The following VWA5A variants were observed in gnomAD, a reference collection of about 807,000 sequenced individuals.
VWA5A encodes the protein von Willebrand factor A domain containing 5A, also known as von Willebrand factor A domain-containing protein 5A.
In VWA5A, 77 loss-of-function variants were observed where a neutral mutation model predicts 84.6. The observed-to-expected ratio is 0.91, with a 90% CI of 0.76 to 1.10. The LOEUF (loss-of-function observed/expected upper bound fraction) is 1.10. VWA5A is among the 50% of genes least tolerant of loss of function. The probability of loss-of-function intolerance (pLI) is 0.00; values close to 1 mark genes in which losing one functional copy is unlikely to be tolerated. For missense variants in VWA5A, 973 were observed against 963.0 expected, an observed-to-expected ratio of 1.01 and a Z score of -0.14; for synonymous variants, 334 against 350.1, an observed-to-expected ratio of 0.95 and a Z score of 0.51.
At chr11:124,123,198 G>T in intron 8 of VWA5A, 69 bp downstream of exon 8, 2 of 1,557,746 alleles carry the variant, frequency 1.3e-6, no homozygotes, top group Non-Finnish European at 8.6e-7. Context: ...GGTTAAATAA[G>T]GGTCTATCTG....
intron 12 of VWA5A, among the ~76,000 whole-genome samples, chr11:124,135,325 A>G (rs996586372): frequency 2.0e-5 from 3 of 152,104 alleles, no homozygotes; most frequent in Non-Finnish European, 2.9e-5. Context: ...CAGACAAACT[A>G]AGAGCTTTGA....
At chr11:124,145,465 C>T (rs1860803132) in intron 18 of VWA5A, 102 bp downstream of exon 18, 3 of 1,407,402 alleles carry the variant, frequency 2.1e-6, no homozygotes, top group East Asian at 5.0e-5. Flanking sequence ...CATCCTGCTT[C>T]AGATCTTTAC....
At chr11:124,132,051 A>T (rs73607026) in intron 11 of VWA5A, among the ~76,000 whole-genome samples, 1 of 151,814 alleles carries the variant, frequency 6.6e-6, no homozygotes, top group Non-Finnish European at 1.5e-5. Context: ...GTTTTGAATA[A>T]TTAATGATTG....
At chr11:124,118,932 A>C (rs758928527) in intron 6 of VWA5A, 43 bp from the exon 7 acceptor site, 96 of 1,589,714 alleles carry the variant, frequency 6.0e-5, no homozygotes, top group Non-Finnish European at 7.7e-5. Flanking sequence ...AGAAGCAAGA[A>C]GTTATGATTC....
At position 124,146,114 on chromosome 11, in the gene VWA5A, T is replaced by C; in HGVS notation, c.*169T>C. 1 of 615,744 alleles carries C rather than the reference T, an allele frequency of 1.6e-6. No individual in the cohort carries two copies. The highest frequency in any genetic ancestry group is 3.3e-5 in the Admixed American group (1 of 30,162). The allele number at this position is 615,744 out of a possible 1,614,324, so 38.1% of individuals were successfully genotyped here. On this transcript the variant is annotated 3_prime_UTR_variant, in exon 19 of 19. Coordinates refer to ENST00000456829, the MANE Select transcript of VWA5A (RefSeq NM_001130142.2). Reference sequence around the variant, plus strand: ...CTCTGCTCCAGGTTCACTTTGGATATGATCTTTCTTTTCCCAACATATGCC... The same window carrying C: ...CTCTGCTCCAGGTTCACTTTGGATACGATCTTTCTTTTCCCAACATATGCC...
chr11:124,117,981 G>A, intron 4 of VWA5A, 106 bp downstream of exon 4: 1 of 1,407,212 alleles, frequency 7.1e-7, no homozygotes, highest in Non-Finnish European at 9.7e-7. Context: ...CACAAAACAT[G>A]CTGATGTTGA....
Position 124,137,183 on chromosome 11 carries a change from G to C in VWA5A, c.1794G>C (p.Pro598=). 6.2e-7 allele frequency: 1 copy of C among 1,613,958 alleles called. No homozygotes were observed. Among genetic ancestry groups the C allele is most frequent in the Non-Finnish European group, 8.5e-7 (1 of 1,180,014 alleles). The change falls in exon 15 of 19, where the codon CCG becomes CCC. Residue 598 remains proline (P), a synonymous_variant. Coordinates refer to ENST00000456829, the MANE Select transcript of VWA5A (RefSeq NM_001130142.2). ...FIAINKELNK[P]VQGPLAHRDV... ...CTATCAATAAGGAGCTCAACAAGCC[G>C]GTTCAGGGGCCTCTGGCTCATAGGG...
chr11:124,117,528 GC>G lies in VWA5A; in HGVS notation c.19del (p.Leu7TyrfsTer11). On this transcript the variant is annotated frameshift_variant, in exon 3 of 19. Coordinates refer to ENST00000456829, the MANE Select transcript of VWA5A (RefSeq NM_001130142.2). LOFTEE classifies it high-confidence loss of function. MVHFCGLLTLHREPVP... is the reference protein window; with the variant it reads MVHFCXLLTLHREPVP... ...TGCATCACCATGGTGCACTTCTGTG[GC>G]CTACTCACCCTCCACCGGGAGCCAG... is the stretch of plus-strand genomic sequence containing the variant. 6.2e-7 allele frequency: 1 copy of G among 1,614,138 alleles called. No individual in the cohort carries two copies. The highest frequency in any genetic ancestry group is 8.5e-7 in the Non-Finnish European group (1 of 1,180,028).
chr11:124,135,094 G>A, intron 12 of VWA5A, 60 bp downstream of exon 12: 1 of 1,449,078 alleles, frequency 6.9e-7, no homozygotes. Context: ...AGTGGAACGG[G>A]GTGGGGAACA....
At chr11:124,118,797 C>A in intron 6 of VWA5A, 89 bp downstream of exon 6, 1 of 1,489,532 alleles carries the variant, frequency 6.7e-7, no homozygotes. Context: ...AAGTGGTAAC[C>A]CAGAGGGGGT....
In VWA5A at chr11:124,123,080, G is replaced by A. The variant is rs1236406821; in HGVS notation, c.881G>A (p.Ser294Asn). The change falls in exon 8 of 19, where the codon AGC (serine) becomes AAC (asparagine). Residue 294 changes from serine to asparagine, a missense_variant. Transcript: ENST00000456829. ...ATGGACCGCTCGGGAAGTATGCAGAGCCCCATGAGTAGCCAGGATACATCT... is the reference window on the plus strand; with the variant it reads ...ATGGACCGCTCGGGAAGTATGCAGAACCCCATGAGTAGCCAGGATACATCT... ...FLMDRSGSMQ[S>N]PMSSQDTSQL... The A allele has an allele frequency of 6.2e-7, 1 of 1,614,082 alleles. No individual in the cohort carries two copies. The highest frequency in any genetic ancestry group is 8.5e-7 in the Non-Finnish European group (1 of 1,180,036).
At chr11:124,123,494 C>T in intron 9 of VWA5A, 40 bp downstream of exon 9, 3 of 1,609,026 alleles carry the variant, frequency 1.9e-6, no homozygotes, top group Admixed American at 1.7e-5. Flanking sequence ...CAAAACGAGA[C>T]TTTAAAGAAA....
chr11:124,135,092 G>T (rs1410355751), intron 12 of VWA5A, 58 bp downstream of exon 12: 4 of 1,468,756 alleles, frequency 2.7e-6, no homozygotes, highest in Non-Finnish European at 2.8e-6. Flanking sequence ...AAAGTGGAAC[G>T]GGGTGGGGAA....
intron 7 of VWA5A, among the ~76,000 whole-genome samples, chr11:124,121,283 A>G (rs1389775708): frequency 6.6e-6 from 1 of 152,136 alleles, no homozygotes; most frequent in Non-Finnish European, 1.5e-5. Context: ...AAATTTACAA[A>G]TAATTTTATA....
At chr11:124,116,938 C>T (rs1864840690) in intron 2 of VWA5A, among the ~76,000 whole-genome samples, 2 of 152,286 alleles carry the variant, frequency 1.3e-5, no homozygotes. Flanking sequence ...CACAGCTTCT[C>T]ACATGCAGCG....
chr11:124,119,638 T>C (rs1864898969), intron 7 of VWA5A, among the ~76,000 whole-genome samples: 1 of 152,242 alleles, frequency 6.6e-6, no homozygotes, highest in Non-Finnish European at 1.5e-5. Context: ...ACCATTTTAA[T>C]AATATCGAGT....
intron 14 of VWA5A, among the ~76,000 whole-genome samples, 168 bp from the exon 15 acceptor site, chr11:124,136,847 G>A (rs1214932061): frequency 6.9e-6 from 1 of 144,992 alleles, no homozygotes; most frequent in Non-Finnish European, 1.5e-5. Flanking sequence ...GGGCTCCATT[G>A]TAATTGTTTT....
In VWA5A at chr11:124,123,694, G is replaced by A. The variant is rs1864970342; in HGVS notation, c.1054G>A (p.Glu352Lys). 1.9e-6 allele frequency: 3 copies of A among 1,613,928 alleles called. No individual in the cohort carries two copies. The highest frequency in any genetic ancestry group is 2.2e-5 in the South Asian group (2 of 91,076). The change falls in exon 10 of 19, where the codon GAG becomes AAG. Residue 352 changes from glutamate to lysine, a missense_variant. Transcript: ENST00000456829. ...GAAGTACACTCAGCAAACAATGGAG[G>A]AGGCTCTGGGGAGAGTGAAGCTTAT... The part of the protein sequence containing the change: ...SVKYTQQTME[E>K]ALGRVKLMQA...
intron 11 of VWA5A, among the ~76,000 whole-genome samples, chr11:124,125,240 G>T (rs1865001217): frequency 2.0e-5 from 3 of 150,442 alleles, no homozygotes; most frequent in South Asian, 2.1e-4. Flanking sequence ...GATATTGTTT[G>T]TCTTTAAATT....
Sources: allele counts gnomAD v4.1 joint callset (sites outside exome capture counted in the v4.1 genomes callset), GRCh38; gene constraint gnomAD v4.1.1; transcripts MANE v1.5; gene names NCBI Gene and HGNC (gene_info 2026-07-23, HGNC 2026-07-21).